SYNE1: variants seen among roughly 807,000 people sequenced by gnomAD.
SYNE1 encodes nesprin-1.
SYNE1 carries 616 observed loss-of-function variants against 1,111.0 expected under a neutral mutation model. The ratio of observed to expected loss-of-function variants is 0.55; its 90% CI spans 0.52 to 0.59. The LOEUF (loss-of-function observed/expected upper bound fraction) is 0.59, where lower values mean the gene tolerates loss of function less well. Among genes scored for constraint, SYNE1 ranks in the 20% least tolerant of loss-of-function variants. SYNE1 has a pLI of 0.00. For synonymous variants in SYNE1, 3,855 were observed against 3,825.8 expected (o/e 1.01, Z -0.28); for missense variants, 10,006 against 10,417.0 (o/e 0.96, Z 1.72).
At chr6:152,528,550 T>C (rs1422596550) in intron 4 of SYNE1, among the ~76,000 whole-genome samples, 8 of 152,204 alleles carry the variant, frequency 5.3e-5, no homozygotes, top group Admixed American at 2.0e-4. Context: ...CTGTCACATG[T>C]ACAAATATTT....
chr6:152,517,573 A>G (rs2099118291), intron 6 of SYNE1, among the ~76,000 whole-genome samples: 1 of 152,234 alleles, frequency 6.6e-6, no homozygotes, highest in African/African-American at 2.4e-5. Context: ...AAAATACTAG[A>G]AACAACCCAA....
At position 152,369,018 on chromosome 6, in the gene SYNE1, ACT is replaced by A; in HGVS notation, c.9759_9760del (p.Arg3253SerfsTer24). On this transcript the variant is annotated frameshift_variant, in exon 61 of 146. Coordinates refer to ENST00000367255, the MANE Select transcript of SYNE1 (RefSeq NM_182961.4). LOFTEE classifies it high-confidence loss of function. Reference sequence around the variant, plus strand: ...TAGATACTGAGAAGACAGCTGCGACACTCTGTGCCTAAAGCTCTTGCTGGCAG... The same window carrying A: ...TAGATACTGAGAAGACAGCTGCGACACTGTGCCTAAAGCTCTTGCTGGCAG... 1.9e-6 allele frequency: 3 copies of A among 1,614,130 alleles called. No homozygotes were observed. Among genetic ancestry groups the A allele is most frequent in the Non-Finnish European group, 2.5e-6 (3 of 1,180,022 alleles).
At position 152,302,063 on chromosome 6, in the gene SYNE1, C is replaced by G. The variant is rs754105532; in HGVS notation, c.17347G>C (p.Glu5783Gln). The part of the protein sequence containing the change: ...ELQAQISRHE[E>Q]LAQKIKGYQE... ...TAGCCCTTAATTTTCTGCGCCAGCT[C>G]CTGAGGAAACATTTCCCCCACCGGG... Residue 5783 changes from glutamate to glutamine, a missense_variant and splice_region_variant, in exon 92 of 146, where the codon GAG becomes CAG. This residue lies in a region of SYNE1 where 4,955 missense variants were observed against 5,017.2 expected (regional missense o/e 0.99). Transcript: ENST00000367255. The G allele has an allele frequency of 1.7e-5, 28 of 1,614,142 alleles. No individual in the cohort carries two copies. The highest frequency in any genetic ancestry group is 2.7e-5 in the African/African-American group (2 of 74,954).
intron 51 of SYNE1, among the ~76,000 whole-genome samples, chr6:152,395,204 G>A (rs562282314): frequency 3.3e-4 from 50 of 152,078 alleles, no homozygotes; most frequent in African/African-American, 1.2e-3. Context: ...GGAAAGTACA[G>A]TATTATTAAC....
In SYNE1 at chr6:152,218,188, T is replaced by A. The variant is rs1289636188; in HGVS notation, c.22191+69A>T. On this transcript the variant is annotated intron_variant, in intron 121 of 145. Transcript: ENST00000367255. ...GCTTGGGCGACAGAGTGAGACTCCA[T>A]CTCAAAAAAAAAAAGATTTTTGAAG... is the stretch of plus-strand genomic sequence containing the variant. 1.9e-6 allele frequency: 3 copies of A among 1,572,420 alleles called. No homozygotes were observed. In the East Asian group the frequency reaches 6.8e-5, roughly 35 times the overall value.
rs1182139090 is a variant in SYNE1 at position 152,330,349 on chromosome 6, G to A, written c.14336C>T (p.Ala4779Val). The A allele has an allele frequency of 6.2e-7, 1 of 1,614,160 alleles. No homozygotes were observed. The highest frequency in any genetic ancestry group is 8.5e-7 in the Non-Finnish European group (1 of 1,180,034). ...RVSLLEDTTS[A>V]YQEHEKMCQQ... is the part of the protein sequence containing the mutation. ...GCACATCTTCTCGTGTTCTTGGTAA[G>A]CACTGGTGGTGTCTTCTAATAAGCT... is the stretch of plus-strand genomic sequence containing the variant. Residue 4779 changes from alanine (A) to valine (V), a missense_variant, in exon 78 of 146, where the codon GCT becomes GTT. Physicochemically the swap from Ala to Val is moderately conservative, Grantham distance 64. This residue lies in a region of SYNE1 where 4,955 missense variants were observed against 5,017.2 expected (regional missense o/e 0.99). Coordinates refer to ENST00000367255, the MANE Select transcript of SYNE1 (RefSeq NM_182961.4).
chr6:152,176,260 GA>G lies in SYNE1; in HGVS notation c.23627+133del. 2.4e-6 allele frequency: 3 copies of G among 1,233,704 alleles called. No homozygotes were observed. In the South Asian group the frequency reaches 3.7e-5, roughly 15 times the overall value. 76.4% of individuals were successfully genotyped at this position (1,233,704 alleles called of 1,614,324 possible). On this transcript the variant is annotated intron_variant, in intron 130 of 145. Coordinates refer to ENST00000367255, the MANE Select transcript of SYNE1 (RefSeq NM_182961.4). ...AAAGTGCCACTTATGAGAGGAGCAT[GA>G]ACAGTTTTGAAAATGGTGAGATAAC...
intron 126 of SYNE1, among the ~76,000 whole-genome samples, chr6:152,202,363 A>AAAAAAAAAAAAAAAAAAAAAAAAC: frequency 8.2e-6 from 1 of 121,618 alleles, no homozygotes; most frequent in Non-Finnish European, 1.6e-5. Context: ...AAAAAAAAAA[A>AAAAAAAAAAAAAAAAAAAAAAAAC]AAAAAAGCAA....
At chr6:152,213,551 G>A (rs2077956451) in intron 123 of SYNE1, 61 bp downstream of exon 123, 12 of 1,572,896 alleles carry the variant, frequency 7.6e-6, no homozygotes, top group African/African-American at 1.3e-5. Context: ...ACAGCATTTC[G>A]TAGCATCTTC....
chr6:152,392,207 T>C (rs2097653534), intron 51 of SYNE1, among the ~76,000 whole-genome samples: 1 of 152,132 alleles, frequency 6.6e-6, no homozygotes, highest in African/African-American at 2.4e-5. Context: ...GCTAGGGCCA[T>C]TATATTCATC....
intron 87 of SYNE1, chr6:152,315,333 C>G (rs1041624346): frequency 1.3e-5 from 2 of 151,762 alleles, no homozygotes; most frequent in Non-Finnish European, 2.9e-5. Context: ...TCCTGAGTAG[C>G]TGGGACTACA....
At chr6:152,487,884 G>T (rs533007297) in intron 12 of SYNE1, among the ~76,000 whole-genome samples, 10 of 152,124 alleles carry the variant, frequency 6.6e-5, no homozygotes, top group African/African-American at 2.4e-4. Context: ...GACCATCCTG[G>T]CTAACATGGT....
At chr6:152,353,485 C>G in intron 68 of SYNE1, 52 bp from the exon 69 acceptor site, 2 of 1,613,732 alleles carry the variant, frequency 1.2e-6, no homozygotes, top group Non-Finnish European at 1.7e-6. Flanking sequence ...TGTGCCAGGG[C>G]CTTTGTTGAT....
chr6:152,530,771 A>G (rs1388999720), intron 4 of SYNE1, among the ~76,000 whole-genome samples: 10 of 151,578 alleles, frequency 6.6e-5, no homozygotes, highest in African/African-American at 2.4e-4. Context: ...ACAGGCGCCC[A>G]CCACCACACC....
chr6:152,221,567 A>G lies in SYNE1; in HGVS notation c.21523-8T>C. 1 of 1,609,326 alleles carries G rather than the reference A, an allele frequency of 6.2e-7. No homozygotes were observed. Among genetic ancestry groups the G allele is most frequent in the Non-Finnish European group, 8.5e-7 (1 of 1,177,222 alleles). ...CAGATCATCTTGGAGATTCTGCCCC[A>G]AAAAAAAGACCCATAGATGACATAA... On this transcript the variant is annotated splice_polypyrimidine_tract_variant and splice_region_variant and intron_variant, in intron 117 of 145. Transcript: ENST00000367255.
intron 3 of SYNE1, among the ~76,000 whole-genome samples, chr6:152,613,388 T>C (rs2099637460): frequency 6.6e-6 from 1 of 151,992 alleles, no homozygotes; most frequent in South Asian, 2.1e-4. Flanking sequence ...ATAAGTGAAC[T>C]CCCATTCCCA....
intron 4 of SYNE1, among the ~76,000 whole-genome samples, chr6:152,527,382 A>G (rs1226708377): frequency 1.3e-5 from 2 of 152,230 alleles, no homozygotes; most frequent in Non-Finnish European, 2.9e-5. Context: ...TACATGTTCA[A>G]AAATAACAGA....
intron 59 of SYNE1, among the ~76,000 whole-genome samples, chr6:152,371,344 T>C (rs1563453863): frequency 6.6e-6 from 1 of 151,730 alleles, no homozygotes; most frequent in Non-Finnish European, 1.5e-5. Flanking sequence ...GGCTCATACT[T>C]CTCCTTCCTG....
chr6:152,295,221 T>G (rs73783822), intron 93 of SYNE1, among the ~76,000 whole-genome samples: 1 of 152,202 alleles, frequency 6.6e-6, no homozygotes, highest in African/African-American at 2.4e-5. Flanking sequence ...GAGGATTATA[T>G]GAAATAATAT....
Sources: gnomAD v4.1 joint callset for allele counts (sites outside exome capture counted in the v4.1 genomes callset) on GRCh38, gnomAD v4.1.1 for gene constraint, gnomAD v4.1.1 regional missense constraint, MANE v1.5 for transcripts, NCBI Gene and HGNC (gene_info 2026-07-23, HGNC 2026-07-21) for gene names.